The following CSMD3 variants were observed in gnomAD, a reference collection of about 807,000 sequenced individuals.
CSMD3 encodes CUB and sushi domain-containing protein 3.
Under a neutral mutation model 435.2 loss-of-function variants are expected in CSMD3, and 177 were observed. That is an observed-to-expected ratio of 0.41 (90% CI 0.36 to 0.46). The LOEUF (loss-of-function observed/expected upper bound fraction) is 0.46. CSMD3 is among the 20% of genes least tolerant of loss of function. The probability of loss-of-function intolerance (pLI) is 0.34; values close to 1 mark genes in which losing one functional copy is unlikely to be tolerated. For synonymous variants in CSMD3, 1,656 were observed against 1,520.5 expected (o/e 1.09, Z -2.07); for missense variants, 4,265 against 4,504.6 (o/e 0.95, Z 1.52).
At chr8:112,604,498 T>C (rs1832639390) in intron 22 of CSMD3, among the ~76,000 whole-genome samples, 2 of 152,128 alleles carry the variant, frequency 1.3e-5, no homozygotes, top group Admixed American at 1.3e-4. Context: ...AACGATCTGA[T>C]CTTTGACAAA....
chr8:112,426,895 G>A (rs1430888660), intron 32 of CSMD3, among the ~76,000 whole-genome samples: 1 of 152,146 alleles, frequency 6.6e-6, no homozygotes, highest in Non-Finnish European at 1.5e-5. Context: ...ACTCTTTTCA[G>A]GTAATCGTGA....
chr8:113,066,501 G>C (rs892669291), intron 5 of CSMD3, among the ~76,000 whole-genome samples: 4 of 152,086 alleles, frequency 2.6e-5, no homozygotes, highest in African/African-American at 7.2e-5. Flanking sequence ...GAAAATTTTA[G>C]TTAGCATAAG....
chr8:112,376,804 TG>T (rs2131213679), intron 38 of CSMD3, among the ~76,000 whole-genome samples: 1 of 152,284 alleles, frequency 6.6e-6, no homozygotes, highest in South Asian at 2.1e-4. Flanking sequence ...TTTAATTGTT[TG>T]GTAAGTTTCA....
intron 13 of CSMD3, among the ~76,000 whole-genome samples, chr8:112,796,047 A>G (rs1195993440): frequency 6.6e-6 from 1 of 152,072 alleles, no homozygotes; most frequent in Non-Finnish European, 1.5e-5. Context: ...GTGCATGCCT[A>G]TGTTTTATTT....
chr8:112,295,868 T>A lies in CSMD3; in HGVS notation c.8579A>T (p.Asp2860Val). The A allele has an allele frequency of 6.2e-7, 1 of 1,614,066 alleles. No homozygotes were observed. The change falls in exon 54 of 71, where the codon GAT becomes GTT. Residue 2860 changes from aspartate to valine, a missense_variant. Asp to Val is a radical substitution (Grantham distance 152). This residue lies in a region of CSMD3 where 3,255 missense variants were observed against 3,380.2 expected (regional missense o/e 0.96). Transcript: ENST00000297405. ...TGGGAGCTGACCAGACCAATTGTGATCCTGTTGACATATCCTCACTGAAGA... is the reference window on the plus strand; with the variant it reads ...TGGGAGCTGACCAGACCAATTGTGAACCTGTTGACATATCCTCACTGAAGA... Reference protein sequence around the residue: ...IGSSVRICQQDHNWSGQLPSC... With the variant: ...IGSSVRICQQVHNWSGQLPSC...
At chr8:113,097,694 T>C (rs1413590735) in intron 5 of CSMD3, among the ~76,000 whole-genome samples, 3 of 152,052 alleles carry the variant, frequency 2.0e-5, no homozygotes, top group Non-Finnish European at 2.9e-5. Context: ...TCTTGAAGAA[T>C]ATTCCAATTA....
At chr8:112,569,112 A>C (rs2131282695) in intron 24 of CSMD3, among the ~76,000 whole-genome samples, 1 of 152,322 alleles carries the variant, frequency 6.6e-6, no homozygotes, top group African/African-American at 2.4e-5. Context: ...AGGGATTCCC[A>C]GGAAAGATTT....
chr8:113,070,098 T>TA (rs1404855022), intron 5 of CSMD3, among the ~76,000 whole-genome samples: 5 of 152,226 alleles, frequency 3.3e-5, no homozygotes, highest in African/African-American at 1.2e-4. Context: ...AGATAATTGT[T>TA]ACACTTCTAG....
intron 38 of CSMD3, among the ~76,000 whole-genome samples, chr8:112,371,865 G>A (rs995344491): frequency 2.6e-5 from 4 of 151,820 alleles, no homozygotes; most frequent in East Asian, 3.9e-4. Context: ...ACTCCAGCCT[G>A]AGCGACAGAG....
intron 1 of CSMD3, among the ~76,000 whole-genome samples, chr8:113,337,142 C>T (rs1257499035): frequency 6.6e-6 from 1 of 151,992 alleles, no homozygotes; most frequent in African/African-American, 2.4e-5. Context: ...CTTATTTAAG[C>T]CTGAGACTGA....
rs2086383722 is a variant in CSMD3, at chr8:113,014,617, ATTACACAAAGCAAAGTT to A, written c.1030+4433_1030+4449del. On this transcript the variant is annotated intron_variant, in intron 6 of 70. Coordinates refer to ENST00000297405, the MANE Select transcript of CSMD3 (RefSeq NM_198123.2). ...CATTTTCAGGGTATCTTGTAAGCCC[ATTACACAAAGCAAAGTT>A]TTCTGAAGTCCTGAAATATTACAAC... is the stretch of plus-strand genomic sequence containing the variant. 1.3e-5 allele frequency among the ~76,000 whole-genome samples: 2 copies of A among 152,158 alleles called. 1 individual carries two copies. Among genetic ancestry groups the A allele is most frequent in the Admixed American group, 1.3e-4 (2 of 15,272 alleles).
chr8:112,408,800 C>A, intron 33 of CSMD3, 119 bp downstream of exon 33: 1 of 1,517,908 alleles, frequency 6.6e-7, no homozygotes. Flanking sequence ...AAAGGTGACA[C>A]TATTTTCAGT....
chr8:112,530,012 A>C (rs911006070), intron 27 of CSMD3, among the ~76,000 whole-genome samples: 1 of 152,190 alleles, frequency 6.6e-6, no homozygotes, highest in Admixed American at 6.5e-5. Context: ...GAACACAATA[A>C]CTAAAGTGAA....
chr8:112,400,557 G>A (rs1371755808), intron 35 of CSMD3, among the ~76,000 whole-genome samples: 1 of 152,162 alleles, frequency 6.6e-6, no homozygotes, highest in Non-Finnish European at 1.5e-5. Flanking sequence ...GAGAGATGGT[G>A]TGGGTTCCTG....
At chr8:113,078,469 A>C (rs1030486280) in intron 5 of CSMD3, among the ~76,000 whole-genome samples, 4 of 152,230 alleles carry the variant, frequency 2.6e-5, no homozygotes, top group Admixed American at 6.5e-5. Context: ...AAATACTGTT[A>C]CATTAAAGGA....
chr8:113,369,336 G>T (rs1039327177), intron 1 of CSMD3, among the ~76,000 whole-genome samples: 4 of 151,722 alleles, frequency 2.6e-5, no homozygotes. Context: ...GAGAAAAAAA[G>T]AACTTTCTCC....
intron 10 of CSMD3, among the ~76,000 whole-genome samples, chr8:112,905,688 G>A (rs909918538): frequency 6.6e-6 from 1 of 151,320 alleles, no homozygotes; most frequent in Non-Finnish European, 1.5e-5. Context: ...ATGAGAATCC[G>A]ATACTTGGTC....
intron 6 of CSMD3, among the ~76,000 whole-genome samples, chr8:112,999,606 A>G (rs1420634413): frequency 6.6e-6 from 1 of 151,712 alleles, no homozygotes; most frequent in Non-Finnish European, 1.5e-5. Context: ...TTGCTAATAT[A>G]ATATGACAGG....
intron 32 of CSMD3, among the ~76,000 whole-genome samples, chr8:112,410,319 C>G (rs1354055136): frequency 6.6e-6 from 1 of 151,090 alleles, no homozygotes; most frequent in Non-Finnish European, 1.5e-5. Context: ...TGTCAATAAT[C>G]CTCCTTAAAA....
Sources: gnomAD v4.1 joint callset for allele counts (sites outside exome capture counted in the v4.1 genomes callset) on GRCh38, gnomAD v4.1.1 for gene constraint, gnomAD v4.1.1 regional missense constraint, MANE v1.5 for transcripts, NCBI Gene and HGNC (gene_info 2026-07-23, HGNC 2026-07-21) for gene names.